Variants in RUNX1 observed in about 807,000 individuals in gnomAD.
RUNX1 encodes RUNX family transcription factor 1, also known as runt-related transcription factor 1.
RUNX1 carries 19 observed loss-of-function variants against 42.8 expected under a neutral mutation model. That is an observed-to-expected ratio of 0.44 (90% CI 0.31 to 0.65). RUNX1 has a LOEUF of 0.65. Among genes scored for constraint, RUNX1 ranks in the 30% least tolerant of loss-of-function variants. The pLI is 0.07. For missense variants in RUNX1, 528 were observed against 672.0 expected (o/e 0.79, Z 2.37); for synonymous variants, 271 against 289.4 (o/e 0.94, Z 0.64).
chr21:34,802,126 A>G (rs746240701), intron 7 of RUNX1, among the ~76,000 whole-genome samples: 5 of 152,190 alleles, frequency 3.3e-5, no homozygotes, highest in Admixed American at 6.5e-5. Context: ...GCCTGTAATA[A>G]TAAATTTGTG....
chr21:34,937,373 C>T (rs1038361827), intron 2 of RUNX1, among the ~76,000 whole-genome samples: 3 of 150,568 alleles, frequency 2.0e-5, no homozygotes, highest in African/African-American at 7.3e-5. Context: ...GGAACTCCTC[C>T]AGTGACTCAT....
intron 6 of RUNX1, among the ~76,000 whole-genome samples, chr21:34,846,194 C>CT (rs5843687): frequency 0.014 from 1,482 of 102,232 alleles, 29 homozygotes; most frequent in African/African-American, 0.034. Flanking sequence ...TTAAGGATGT[C>CT]TTTTTTTTTT....
intron 2 of RUNX1, among the ~76,000 whole-genome samples, chr21:35,009,254 G>A (rs2059107781): frequency 6.6e-6 from 1 of 152,162 alleles, no homozygotes; most frequent in African/African-American, 2.4e-5. Flanking sequence ...TAGATCACGT[G>A]TTCTTTTAGG....
At chr21:34,821,212 G>A in intron 7 of RUNX1, 1 of 1,029,036 alleles carries the variant, frequency 9.7e-7, no homozygotes, top group Non-Finnish European at 1.2e-6. Context: ...GACTTGGAGA[G>A]GACCGATGGG....
chr21:35,023,112 T>C (rs1250925897), intron 2 of RUNX1, among the ~76,000 whole-genome samples: 1 of 151,720 alleles, frequency 6.6e-6, no homozygotes, highest in Non-Finnish European at 1.5e-5. Flanking sequence ...CTGGAAAATT[T>C]TTGTACTTTT....
At chr21:34,895,769 T>C (rs547921563) in intron 2 of RUNX1, among the ~76,000 whole-genome samples, 1 of 152,196 alleles carries the variant, frequency 6.6e-6, no homozygotes, top group South Asian at 2.1e-4. Context: ...AGATAGGTCA[T>C]TGGAAGCACA....
At chr21:34,967,607 G>A (rs1004979222) in intron 2 of RUNX1, among the ~76,000 whole-genome samples, 1 of 152,134 alleles carries the variant, frequency 6.6e-6, no homozygotes, top group African/African-American at 2.4e-5. Flanking sequence ...GGATTCTCCA[G>A]CCCCATAGTG....
intron 2 of RUNX1, among the ~76,000 whole-genome samples, chr21:34,973,920 A>AC (rs112993820): frequency 0.025 from 3,826 of 152,258 alleles, 158 homozygotes; most frequent in African/African-American, 0.087. Flanking sequence ...TTGTTTTCAT[A>AC]CTTCCACAAG....
At chr21:34,909,582 G>A (rs1289871076) in intron 2 of RUNX1, among the ~76,000 whole-genome samples, 1 of 82,540 alleles carries the variant, frequency 1.2e-5, no homozygotes, top group African/African-American at 1.2e-4. Context: ...CCAGGTCACT[G>A]TTCCTCAAAA....
At chr21:34,853,159 C>T (rs1159408125) in intron 6 of RUNX1, among the ~76,000 whole-genome samples, 1 of 152,170 alleles carries the variant, frequency 6.6e-6, no homozygotes. Flanking sequence ...CCCCTTCATG[C>T]CAGGTCCCCA....
chr21:35,047,955 C>T (rs566771040), intron 2 of RUNX1, among the ~76,000 whole-genome samples: 6 of 152,276 alleles, frequency 3.9e-5, no homozygotes, highest in South Asian at 2.1e-4. Flanking sequence ...ATACACAAGA[C>T]GCACATGCAC....
chr21:34,973,810 G>A (rs2058779761), intron 2 of RUNX1, among the ~76,000 whole-genome samples: 1 of 152,174 alleles, frequency 6.6e-6, no homozygotes, highest in Non-Finnish European at 1.5e-5. Context: ...TGCCAGCATA[G>A]CACATGAATG....
intron 2 of RUNX1, among the ~76,000 whole-genome samples, chr21:34,961,152 G>C (rs2058679273): frequency 6.6e-6 from 1 of 152,104 alleles, no homozygotes; most frequent in Non-Finnish European, 1.5e-5. Context: ...GAGATGGATG[G>C]ATCATGAGGT....
At chr21:34,985,453 G>C (rs1443990601) in intron 2 of RUNX1, among the ~76,000 whole-genome samples, 1 of 152,220 alleles carries the variant, frequency 6.6e-6, no homozygotes, top group Non-Finnish European at 1.5e-5. Flanking sequence ...GGCAGGGAAG[G>C]AGTAGAAGCT....
chr21:34,857,835 A>G (rs552528868), intron 6 of RUNX1, among the ~76,000 whole-genome samples: 1 of 152,364 alleles, frequency 6.6e-6, no homozygotes, highest in East Asian at 1.9e-4. Flanking sequence ...TGGAAACCTA[A>G]GAAGAGCTCA....
In RUNX1 at chr21:34,888,325, C is replaced by T. The variant is rs148801505; in HGVS notation, c.98-1229G>A. The T allele has an allele frequency of 5.9e-3, 6,294 of 1,067,632 alleles. 22 individuals are homozygous for T. The highest frequency in any genetic ancestry group is 0.015 in the South Asian group (320 of 21,998). 66.1% of individuals were successfully genotyped at this position (1,067,632 alleles called of 1,614,324 possible). A position where few individuals can be genotyped will look rare whatever the true frequency, so the allele number is the denominator to read the frequency against. ...TCGGGCGGCTCGGGTTACACACGCA[C>T]GCACATCCTGCCACGCACACTGCCA... On this transcript the variant is annotated intron_variant, in intron 3 of 8. Transcript: ENST00000675419.
chr21:35,001,794 C>A (rs1465547206), intron 2 of RUNX1, among the ~76,000 whole-genome samples: 2 of 152,146 alleles, frequency 1.3e-5, no homozygotes, highest in Non-Finnish European at 2.9e-5. Context: ...GTGAATTCTG[C>A]AAGCTTGTAG....
intron 2 of RUNX1, among the ~76,000 whole-genome samples, chr21:35,040,797 A>G (rs2059353229): frequency 6.7e-6 from 1 of 149,104 alleles, no homozygotes; most frequent in Admixed American, 6.7e-5. Context: ...AAAAAAAACC[A>G]ACAACAAAAA....
At chr21:34,858,067 C>T (rs772193273) in intron 6 of RUNX1, among the ~76,000 whole-genome samples, 7 of 152,178 alleles carry the variant, frequency 4.6e-5, no homozygotes, top group East Asian at 1.9e-4. Context: ...AAAAAGCAGA[C>T]GAGGAACACC....
Sources: allele counts gnomAD v4.1 joint callset (sites outside exome capture counted in the v4.1 genomes callset), GRCh38; gene constraint gnomAD v4.1.1; transcripts MANE v1.5; gene names NCBI Gene and HGNC (gene_info 2026-07-23, HGNC 2026-07-21).